Variants in ATP6V1H observed in about 807,000 individuals in gnomAD.
ATP6V1H encodes the protein V-type proton ATPase subunit H.
Under a neutral mutation model 71.7 loss-of-function variants are expected in ATP6V1H, and 39 were observed. That is an observed-to-expected ratio of 0.54 (90% CI 0.42 to 0.71). The LOEUF (loss-of-function observed/expected upper bound fraction) is 0.71, where lower values mean the gene tolerates loss of function less well. Ranked by LOEUF, ATP6V1H falls within the 30% of genes least tolerant of loss-of-function variation. The pLI, the probability that ATP6V1H is intolerant of heterozygous loss-of-function variation, is 0.00. For synonymous variants in ATP6V1H, 192 were observed against 199.3 expected, an observed-to-expected ratio of 0.96 and a Z score of 0.31; for missense variants, 509 against 594.9, an observed-to-expected ratio of 0.86 and a Z score of 1.50.
chr8:53,755,728 A>T (rs868545889), intron 12 of ATP6V1H, among the ~76,000 whole-genome samples: 2 of 5,892 alleles, frequency 3.4e-4, no homozygotes, highest in Non-Finnish European at 5.1e-4. Context: ...ATATATATAT[A>T]TATATATATA....
chr8:53,734,495 T>A (rs1421794419), intron 13 of ATP6V1H, among the ~76,000 whole-genome samples: 3 of 152,226 alleles, frequency 2.0e-5, no homozygotes, highest in African/African-American at 7.2e-5. Flanking sequence ...GCTTTAGAAC[T>A]AAGTGTAGGT....
chr8:53,837,508 A>C (rs200215481), intron 2 of ATP6V1H, among the ~76,000 whole-genome samples: 2 of 149,252 alleles, frequency 1.3e-5, no homozygotes, highest in African/African-American at 5.0e-5. Context: ...AAAAAAAAAA[A>C]CCAGTCCGGG....
chr8:53,801,944 C>A, intron 7 of ATP6V1H, 48 bp from the exon 8 acceptor site: 1 of 1,519,796 alleles, frequency 6.6e-7, no homozygotes. Flanking sequence ...CATTTAAAGT[C>A]ATGCGATCAG....
intron 12 of ATP6V1H, among the ~76,000 whole-genome samples, chr8:53,748,830 T>G (rs1399090963): frequency 6.6e-6 from 1 of 152,240 alleles, no homozygotes; most frequent in East Asian, 1.9e-4. Flanking sequence ...ATGATGACTA[T>G]AAGTTAAAAT....
At chr8:53,768,746 T>C (rs1453809661) in intron 11 of ATP6V1H, among the ~76,000 whole-genome samples, 2 of 152,124 alleles carry the variant, frequency 1.3e-5, no homozygotes, top group Admixed American at 6.5e-5. Flanking sequence ...AATCGAGATA[T>C]TGGTGGTTAC....
intron 5 of ATP6V1H, among the ~76,000 whole-genome samples, chr8:53,815,162 A>G (rs1281886294): frequency 6.6e-6 from 1 of 152,088 alleles, no homozygotes; most frequent in Non-Finnish European, 1.5e-5. Context: ...CCTCTCCCAC[A>G]CTCATTCCAA....
chr8:53,757,124 A>G (rs1002901950), intron 11 of ATP6V1H, among the ~76,000 whole-genome samples: 4 of 152,170 alleles, frequency 2.6e-5, no homozygotes, highest in Admixed American at 2.0e-4. Flanking sequence ...TGGAACATAT[A>G]CTTTCCAAAC....
chr8:53,801,670 G>A, intron 8 of ATP6V1H, 129 bp downstream of exon 8: 1 of 743,850 alleles, frequency 1.3e-6, no homozygotes, highest in Non-Finnish European at 2.1e-6. Flanking sequence ...AAAAAGCTTA[G>A]CATAGTCAAT....
intron 4 of ATP6V1H, among the ~76,000 whole-genome samples, chr8:53,826,627 T>C (rs564008019): frequency 1.2e-4 from 19 of 152,050 alleles, no homozygotes; most frequent in Admixed American, 1.2e-3. Context: ...TGCCTGTCTA[T>C]GTTCACAGAA....
chr8:53,834,461 C>T (rs1342074674), intron 2 of ATP6V1H, among the ~76,000 whole-genome samples: 1 of 152,340 alleles, frequency 6.6e-6, no homozygotes, highest in East Asian at 1.9e-4. Flanking sequence ...GAGTCTCACT[C>T]TGTTGCCAGG....
At chr8:53,842,253 A>C (rs1464971353) in intron 1 of ATP6V1H, among the ~76,000 whole-genome samples, 5 of 152,254 alleles carry the variant, frequency 3.3e-5, no homozygotes, top group African/African-American at 1.2e-4. Context: ...TTCCTTTTCA[A>C]ACAAAATTCA....
chr8:53,735,963 G>C (rs1216783749), intron 13 of ATP6V1H, among the ~76,000 whole-genome samples: 1 of 152,186 alleles, frequency 6.6e-6, no homozygotes, highest in Non-Finnish European at 1.5e-5. Flanking sequence ...ATCCTAAGAT[G>C]AGACTGCGCT....
intron 4 of ATP6V1H, among the ~76,000 whole-genome samples, chr8:53,820,887 A>T (rs1353275885): frequency 6.6e-6 from 1 of 151,338 alleles, no homozygotes; most frequent in Non-Finnish European, 1.5e-5. Flanking sequence ...AGGCTGAGGC[A>T]GGAGGATTGC....
rs567732146 is a variant in ATP6V1H at position 53,810,406 on chromosome 8, G to GATTATTTACGT, written c.579+757_579+758insACGTAAATAAT. The stretch of plus-strand genomic sequence containing the variant: ...AGCCATAATTAATCTTAATTATGTA[G>GATTATTTACGT]ATTATTTATGTATTTATGTAGAGCC... On this transcript the variant is annotated intron_variant, in intron 7 of 13. Transcript: ENST00000359530. Among the ~76,000 whole-genome samples, 339 of 152,270 alleles carry GATTATTTACGT rather than the reference G, an allele frequency of 2.2e-3. 2 individuals carry two copies. The highest frequency in any genetic ancestry group is 7.9e-3 in the African/African-American group (328 of 41,554).
At chr8:53,805,617 C>T (rs1810055261) in intron 7 of ATP6V1H, among the ~76,000 whole-genome samples, 1 of 152,090 alleles carries the variant, frequency 6.6e-6, no homozygotes, top group South Asian at 2.1e-4. Context: ...ACTAAATTTA[C>T]ATACATCCCA....
chr8:53,728,076 TG>T (rs1806880528), intron 13 of ATP6V1H, among the ~76,000 whole-genome samples: 1 of 152,238 alleles, frequency 6.6e-6, no homozygotes, highest in African/African-American at 2.4e-5. Context: ...CTGGTTTCCT[TG>T]CCTTTGAACT....
chr8:53,795,526 A>T, intron 9 of ATP6V1H, 121 bp downstream of exon 9: 1 of 879,700 alleles, frequency 1.1e-6, no homozygotes, highest in South Asian at 1.6e-5. Context: ...ATATTCACCA[A>T]GACTCTATGG....
Position 53,744,870 on chromosome 8 carries a change from T to C in ATP6V1H, c.1278-1180A>G, listed in dbSNP as rs182765557. Among the ~76,000 whole-genome samples, 5 of 152,152 alleles carry C rather than the reference T, an allele frequency of 3.3e-5. No individual in the cohort carries two copies. In the East Asian group the frequency reaches 9.7e-4, roughly 29 times the overall value. Reference sequence around the variant, plus strand: ...TTAATTAGACAAGTCCTTTACCTGGTAAATTCCTCCCTGACAAATAGGGAA... The same window carrying C: ...TTAATTAGACAAGTCCTTTACCTGGCAAATTCCTCCCTGACAAATAGGGAA... On this transcript the variant is annotated intron_variant, in intron 12 of 13. Coordinates refer to ENST00000359530, the MANE Select transcript of ATP6V1H (RefSeq NM_015941.4).
intron 9 of ATP6V1H, among the ~76,000 whole-genome samples, chr8:53,778,184 T>C (rs762863912): frequency 6.6e-6 from 1 of 152,168 alleles, no homozygotes; most frequent in African/African-American, 2.4e-5. Flanking sequence ...AGAAATGTTA[T>C]GATAGTTTTT....
Sources: gnomAD v4.1 joint callset for allele counts (sites outside exome capture counted in the v4.1 genomes callset) on GRCh38, gnomAD v4.1.1 for gene constraint, MANE v1.5 for transcripts, NCBI Gene and HGNC (gene_info 2026-07-23, HGNC 2026-07-21) for gene names.